The following NEBL variants were observed in gnomAD, a reference collection of about 807,000 sequenced individuals.
The protein encoded by NEBL is nebulette.
Under a neutral mutation model 140.2 loss-of-function variants are expected in NEBL, and 122 were observed. The ratio of observed to expected loss-of-function variants is 0.87; its 90% CI spans 0.75 to 1.01. The LOEUF (loss-of-function observed/expected upper bound fraction) is 1.01, where lower values mean the gene tolerates loss of function less well. Ranked by LOEUF, NEBL falls within the 50% of genes least tolerant of loss-of-function variation. NEBL has a pLI of 0.00. For missense variants in NEBL, 1,365 were observed against 1,231.3 expected (o/e 1.11, Z -1.62); for synonymous variants, 436 against 398.9 (o/e 1.09, Z -1.11).
intron 2 of NEBL, among the ~76,000 whole-genome samples, chr10:21,101,604 G>A (rs1228562467): frequency 6.6e-6 from 1 of 152,204 alleles, no homozygotes; most frequent in Non-Finnish European, 1.5e-5. Flanking sequence ...TGACAGAGAA[G>A]TACATTTCCA....
At chr10:21,078,612 T>C (rs758724470) in intron 2 of NEBL, among the ~76,000 whole-genome samples, 2 of 152,218 alleles carry the variant, frequency 1.3e-5, no homozygotes, top group Non-Finnish European at 2.9e-5. Flanking sequence ...CAGAGGTATC[T>C]ACTCCTATGA....
Position 21,286,788 on chromosome 10 carries a change from G to A in NEBL, n.182+6042C>T, listed in dbSNP as rs1056189410. ...TGGGAGGCGGAGGTTGCAGTGAGCC[G>A]AGATGGCGCCACTGCGCTCCAGCCT... is the stretch of plus-strand genomic sequence containing the variant. On this transcript the variant is annotated intron_variant and non_coding_transcript_variant, in intron 1 of 8. Coordinates refer to the NEBL transcript ENST00000675702. Among the ~76,000 whole-genome samples the A allele has an allele frequency of 3.3e-5, 5 of 152,114 alleles. No homozygotes were observed. In the East Asian group the frequency reaches 9.7e-4, roughly 29 times the overall value.
intron 16 of NEBL, among the ~76,000 whole-genome samples, chr10:20,829,094 T>C (rs1440098468): frequency 6.6e-6 from 1 of 152,090 alleles, no homozygotes; most frequent in African/African-American, 2.4e-5. Context: ...GATACTATTA[T>C]TATTTCCATC....
intron 2 of NEBL, chr10:21,113,442 C>T: frequency 2.4e-6 from 1 of 412,974 alleles, no homozygotes; most frequent in Non-Finnish European, 4.6e-6. Context: ...TGAAGAGTTG[C>T]TTCTGGATGA....
At chr10:20,815,826 T>G in intron 21 of NEBL, 109 bp from the exon 22 acceptor site, 1 of 799,664 alleles carries the variant, frequency 1.3e-6, no homozygotes, top group Admixed American at 1.9e-5. Flanking sequence ...TGAAGTGCAG[T>G]GGTACAATCT....
chr10:20,934,977 T>G (rs1433180779), intron 4 of NEBL, among the ~76,000 whole-genome samples: 2 of 152,210 alleles, frequency 1.3e-5, no homozygotes, highest in African/African-American at 4.8e-5. Context: ...TGGCATGCTG[T>G]GCAATAGTGA....
intron 3 of NEBL, among the ~76,000 whole-genome samples, chr10:21,226,143 G>A (rs1213808453): frequency 6.6e-6 from 1 of 151,942 alleles, no homozygotes; most frequent in Non-Finnish European, 1.5e-5. Flanking sequence ...TAAGGCAGCA[G>A]GTTCCCTTCT....
At chr10:21,039,634 G>A (rs587211) in intron 2 of NEBL, among the ~76,000 whole-genome samples, 87,362 of 151,996 alleles carry the variant, frequency 0.57, 25,248 homozygotes, top group Non-Finnish European at 0.61. Context: ...ACTTAAAATG[G>A]TGTTTTTAAA....
chr10:21,027,326 G>GTT (rs35413279), intron 2 of NEBL, among the ~76,000 whole-genome samples: 4 of 143,176 alleles, frequency 2.8e-5, no homozygotes, highest in South Asian at 4.4e-4. Flanking sequence ...AACTTTTTTT[G>GTT]TTTTTTTTTT....
At chr10:21,250,849 C>T (rs774081924) in intron 2 of NEBL, among the ~76,000 whole-genome samples, 11 of 152,088 alleles carry the variant, frequency 7.2e-5, no homozygotes, top group Non-Finnish European at 1.0e-4. Context: ...GCTGAGATCA[C>T]GCCATTGCAC....
At chr10:20,890,949 A>C (rs909624710) in intron 2 of NEBL, among the ~76,000 whole-genome samples, 5 of 152,232 alleles carry the variant, frequency 3.3e-5, no homozygotes, top group African/African-American at 1.2e-4. Flanking sequence ...GACCATAAAT[A>C]CTTAAACTGA....
chr10:21,222,082 C>G, intron 3 of NEBL, among the ~76,000 whole-genome samples: 1 of 151,380 alleles, frequency 6.6e-6, no homozygotes, highest in Admixed American at 6.6e-5. Context: ...GGTTTTATAC[C>G]ACTATCTCAT....
At chr10:21,000,176 G>A (rs955273469) in intron 3 of NEBL, among the ~76,000 whole-genome samples, 1 of 120,862 alleles carries the variant, frequency 8.3e-6, no homozygotes, top group Non-Finnish European at 1.7e-5. Flanking sequence ...CAGAGAGGGG[G>A]CAGAGGGGGA....
At chr10:20,915,096 C>T (rs964858920) in intron 4 of NEBL, among the ~76,000 whole-genome samples, 1 of 150,898 alleles carries the variant, frequency 6.6e-6, no homozygotes, top group Non-Finnish European at 1.5e-5. Context: ...AGCCACCATG[C>T]CTGGCTTTTA....
intron 4 of NEBL, among the ~76,000 whole-genome samples, chr10:20,928,968 G>A (rs1322806975): frequency 3.3e-5 from 5 of 151,608 alleles, no homozygotes; most frequent in South Asian, 2.1e-4. Context: ...CCAATTCATC[G>A]CCTCCTCTCT....
At chr10:20,880,998 T>C (rs1845967307) in intron 4 of NEBL, 94 bp from the exon 5 acceptor site, 2 of 871,318 alleles carry the variant, frequency 2.3e-6, no homozygotes, top group South Asian at 2.7e-5. Context: ...TATATTTGAA[T>C]ACCACCACTG....
chr10:21,291,853 C>T lies in NEBL; in HGVS notation n.182+977G>A, dbSNP rs11012643. Among the ~76,000 whole-genome samples the T allele has an allele frequency of 2.0e-5, 3 of 152,272 alleles. No homozygotes were observed. The South Asian group carries it at 6.2e-4, about 32-fold the overall frequency. ...CCCGGGAGGCAGAGGTTGCAGTGAG[C>T]TGAGATCACGCCACTGCACTCCAGC... On this transcript the variant is annotated intron_variant and non_coding_transcript_variant, in intron 1 of 8. Transcript: ENST00000675702.
At chr10:20,886,620 G>T (rs146793598) in intron 4 of NEBL, among the ~76,000 whole-genome samples, 188 of 152,232 alleles carry the variant, frequency 1.2e-3, no homozygotes, top group African/African-American at 4.3e-3. Flanking sequence ...ATAGTGTGTG[G>T]TTAAAAACCT....
chr10:21,060,157 A>G (rs1020651621), intron 2 of NEBL, among the ~76,000 whole-genome samples: 1 of 152,210 alleles, frequency 6.6e-6, no homozygotes, highest in African/African-American at 2.4e-5. Flanking sequence ...TCTAAATGAC[A>G]GAAGTTATAG....
Sources: gnomAD v4.1 joint callset for allele counts (sites outside exome capture counted in the v4.1 genomes callset) on GRCh38, gnomAD v4.1.1 for gene constraint, MANE v1.5 for transcripts, NCBI Gene and HGNC (gene_info 2026-07-23, HGNC 2026-07-21) for gene names.